FAM171A1: variants seen among roughly 807,000 people sequenced by gnomAD.
FAM171A1 encodes the protein protein FAM171A1.
In FAM171A1, 23 loss-of-function variants were observed where a neutral mutation model predicts 74.9. That is an observed-to-expected ratio of 0.31 (90% CI 0.22 to 0.44). FAM171A1 has a LOEUF of 0.44. FAM171A1 is among the 20% of genes least tolerant of loss of function. The probability of loss-of-function intolerance (pLI) is 1.00; values close to 1 mark genes in which losing one functional copy is unlikely to be tolerated. For missense variants in FAM171A1, 1,162 were observed against 1,159.2 expected (o/e 1.00, Z -0.03); for synonymous variants, 527 against 505.7 (o/e 1.04, Z -0.57).
chr10:15,232,236 C>T (rs146044980), intron 5 of FAM171A1, among the ~76,000 whole-genome samples: 133 of 152,264 alleles, frequency 8.7e-4, no homozygotes, highest in Admixed American at 7.1e-3. Context: ...GTCCTGTCCC[C>T]GAGATAAGCC....
intron 1 of FAM171A1, among the ~76,000 whole-genome samples, chr10:15,318,042 G>A (rs1185727559): frequency 2.0e-5 from 3 of 152,152 alleles, no homozygotes; most frequent in African/African-American, 7.2e-5. Flanking sequence ...TGATCCTCCC[G>A]CCTGGCTTCC....
At chr10:15,242,968 G>A (rs1338376374) in intron 5 of FAM171A1, among the ~76,000 whole-genome samples, 3 of 152,210 alleles carry the variant, frequency 2.0e-5, no homozygotes, top group Non-Finnish European at 1.5e-5. Flanking sequence ...TCCTATTGCT[G>A]CTATAAAAAA....
Position 15,371,148 on chromosome 10 carries a change from G to A in FAM171A1, c.-96C>T. On this transcript the variant is annotated 5_prime_UTR_variant, in exon 1 of 8. Coordinates refer to ENST00000378116, the MANE Select transcript of FAM171A1 (RefSeq NM_001010924.2). ...CGGGCGCCGCGCCCCCCTCCATGTC[G>A]CTGGCTCCGCGCGCCGGGCCCGCCG... is the stretch of plus-strand genomic sequence containing the variant. 2 of 357,078 alleles carry A rather than the reference G, an allele frequency of 5.6e-6. No homozygotes were observed. Among genetic ancestry groups the A allele is most frequent in the Non-Finnish European group, 7.7e-6 (2 of 259,762 alleles). 22.1% of individuals were successfully genotyped at this position (357,078 alleles called of 1,614,324 possible). A position where few individuals can be genotyped will look rare whatever the true frequency, so the allele number is the denominator to read the frequency against.
chr10:15,303,099 G>A (rs2131829480), intron 1 of FAM171A1, among the ~76,000 whole-genome samples: 1 of 152,196 alleles, frequency 6.6e-6, no homozygotes, highest in East Asian at 1.9e-4. Context: ...TGAGGCAAGA[G>A]AATCGATTGA....
chr10:15,328,592 G>A (rs1835587225), intron 1 of FAM171A1, among the ~76,000 whole-genome samples: 1 of 152,228 alleles, frequency 6.6e-6, no homozygotes, highest in Non-Finnish European at 1.5e-5. Flanking sequence ...AACAGCATTA[G>A]CTCAAGCTCG....
At chr10:15,343,892 G>A (rs1381018218) in intron 1 of FAM171A1, among the ~76,000 whole-genome samples, 1 of 152,210 alleles carries the variant, frequency 6.6e-6, no homozygotes, top group African/African-American at 2.4e-5. Flanking sequence ...TCCTAAGACA[G>A]TCTCAAAAGT....
intron 5 of FAM171A1, among the ~76,000 whole-genome samples, chr10:15,233,065 C>T (rs1834228293): frequency 2.0e-5 from 3 of 152,114 alleles, no homozygotes; most frequent in Admixed American, 2.0e-4. Context: ...GAGGCTGAGG[C>T]AGGCAGATCA....
intron 2 of FAM171A1, 76 bp from the exon 3 acceptor site, chr10:15,276,023 C>A: frequency 9.9e-7 from 1 of 1,012,532 alleles, no homozygotes; most frequent in Non-Finnish European, 1.5e-6. Context: ...TTGGGATACT[C>A]TGCAGTTTTT....
intron 3 of FAM171A1, among the ~76,000 whole-genome samples, chr10:15,270,337 T>C (rs549226065): frequency 1.3e-5 from 2 of 152,270 alleles, no homozygotes; most frequent in East Asian, 1.9e-4. Flanking sequence ...GGGAGGAGCA[T>C]CTGCCATTGC....
At chr10:15,278,950 C>T (rs1309942360) in intron 2 of FAM171A1, among the ~76,000 whole-genome samples, 1 of 152,174 alleles carries the variant, frequency 6.6e-6, no homozygotes, top group Non-Finnish European at 1.5e-5. Flanking sequence ...ATTGTCCTAG[C>T]AGATGCTGCT....
chr10:15,264,705 C>T (rs1390612461), intron 3 of FAM171A1, among the ~76,000 whole-genome samples: 5 of 151,816 alleles, frequency 3.3e-5, no homozygotes, highest in Non-Finnish European at 7.4e-5. Flanking sequence ...ATCACTTGAG[C>T]TGGGGAGGCA....
chr10:15,349,823 G>A (rs1835857764), intron 1 of FAM171A1, among the ~76,000 whole-genome samples: 1 of 151,994 alleles, frequency 6.6e-6, no homozygotes, highest in Non-Finnish European at 1.5e-5. Context: ...AACTGAAAAG[G>A]CAACAACAAG....
intron 6 of FAM171A1, among the ~76,000 whole-genome samples, chr10:15,219,894 A>G (rs1834016011): frequency 6.6e-6 from 1 of 152,164 alleles, no homozygotes; most frequent in Non-Finnish European, 1.5e-5. Flanking sequence ...GAAACACATT[A>G]CTCTTAAAAC....
intron 1 of FAM171A1, among the ~76,000 whole-genome samples, chr10:15,330,873 A>G (rs1343495770): frequency 6.7e-6 from 1 of 149,958 alleles, no homozygotes; most frequent in African/African-American, 2.5e-5. Flanking sequence ...ATGTGCCACC[A>G]CACCTGGCTA....
chr10:15,214,286 G>C lies in FAM171A1; in HGVS notation c.1302C>G (p.Cys434Trp). ...EFSSREELLS[C>W]KEEDKSQISF... ...AGATCTGGCTTTTATCCTCTTCCTT[G>C]CAAGAGAGGAGCTCCTCCCGGGAGC... The change falls in exon 8 of 8, where the codon TGC becomes TGG. Residue 434 changes from cysteine (C) to tryptophan (W), a missense_variant. By Grantham distance (215) the Cys-to-Trp change is radical. Coordinates refer to ENST00000378116, the MANE Select transcript of FAM171A1 (RefSeq NM_001010924.2). 6.2e-7 allele frequency: 1 copy of C among 1,613,780 alleles called. No individual in the cohort carries two copies. Among genetic ancestry groups the C allele is most frequent in the Non-Finnish European group, 8.5e-7 (1 of 1,179,932 alleles).
intron 1 of FAM171A1, among the ~76,000 whole-genome samples, chr10:15,292,065 G>C (rs1230933444): frequency 1.3e-5 from 2 of 152,146 alleles, no homozygotes; most frequent in Admixed American, 1.3e-4. Flanking sequence ...TCCAAGGTTA[G>C]GGCAGATTAG....
intron 5 of FAM171A1, among the ~76,000 whole-genome samples, chr10:15,223,008 T>C (rs991953858): frequency 6.6e-6 from 1 of 152,186 alleles, no homozygotes; most frequent in Non-Finnish European, 1.5e-5. Flanking sequence ...TACAGGACTA[T>C]TGTACAAGGG....
At chr10:15,223,755 T>C (rs1424407349) in intron 5 of FAM171A1, among the ~76,000 whole-genome samples, 2 of 152,058 alleles carry the variant, frequency 1.3e-5, no homozygotes, top group Non-Finnish European at 2.9e-5. Context: ...GAAAATTAGC[T>C]GGGTGTGGTG....
At chr10:15,287,462 A>T (rs1835051501) in intron 1 of FAM171A1, among the ~76,000 whole-genome samples, 3 of 147,904 alleles carry the variant, frequency 2.0e-5, no homozygotes, top group Admixed American at 6.9e-5. Context: ...ATCTTGGCTC[A>T]CTGCAACCTT....
Sources: allele counts gnomAD v4.1 joint callset (sites outside exome capture counted in the v4.1 genomes callset), GRCh38; gene constraint gnomAD v4.1.1; transcripts MANE v1.5; gene names NCBI Gene and HGNC (gene_info 2026-07-23, HGNC 2026-07-21).